MGAT1: variants seen among roughly 807,000 people sequenced by gnomAD.
MGAT1 encodes N-glycosyl-oligosaccharide-glycoprotein N-acetylglucosaminyltransferase I.
In MGAT1, 14 loss-of-function variants were observed where a neutral mutation model predicts 31.7. The ratio of observed to expected loss-of-function variants is 0.44; its 90% confidence interval spans 0.29 to 0.69. The LOEUF is 0.69. MGAT1 is among the 30% of genes least tolerant of loss of function. MGAT1 has a pLI of 0.12. For synonymous variants in MGAT1, 338 were observed against 276.0 expected (o/e 1.22, Z -2.23); for missense variants, 557 against 626.0 (o/e 0.89, Z 1.18).
Position 180,792,336 on chromosome 5 carries a change from C to A in MGAT1, c.636G>T (p.Leu212=). ...FPAAVVVEDD[L]EVAPDFFEYF... ...ACTCGAAGAAGTCCGGGGCCACCTCCAGGTCATCCTCCACCACCACGGCCG... is the reference window on the plus strand; with the variant it reads ...ACTCGAAGAAGTCCGGGGCCACCTCAAGGTCATCCTCCACCACCACGGCCG... Residue 212 remains leucine (L), a synonymous_variant, in exon 2 of 2, where the codon CTG becomes CTT. Transcript: ENST00000307826. 6.2e-7 allele frequency: 1 copy of A among 1,611,314 alleles called. No individual in the cohort carries two copies. The highest frequency in any genetic ancestry group is 8.5e-7 in the Non-Finnish European group (1 of 1,178,512).
At chr5:180,800,035 C>A (rs538250335) in intron 1 of MGAT1, among the ~76,000 whole-genome samples, 1 of 152,146 alleles carries the variant, frequency 6.6e-6, no homozygotes, top group Non-Finnish European at 1.5e-5. Flanking sequence ...ACTGCAATGG[C>A]GTGAAAGACC....
In MGAT1 at chr5:180,791,810, A is replaced by G; in HGVS notation, c.1162T>C (p.Tyr388His). Residue 388 changes from tyrosine (Y) to histidine (H), a missense_variant, in exon 2 of 2, where the codon TAT becomes CAT. Transcript: ENST00000307826. ...RKELGEVRVQ[Y>H]TGRDSFKAFA... ...GCCTTGAAGCTGTCCCTGCCCGTAT[A>G]CTGCACCCGCACCTCCCCCAGCTCC... The G allele has an allele frequency of 6.2e-7, 1 of 1,614,184 alleles. No homozygotes were observed. Among genetic ancestry groups the G allele is most frequent in the Non-Finnish European group, 8.5e-7 (1 of 1,180,038 alleles).
At chr5:180,809,840 TCTC>T (rs1772352240) in intron 1 of MGAT1, 1 of 145,890 alleles carries the variant, frequency 6.9e-6, no homozygotes, top group Non-Finnish European at 1.5e-5. Context: ...ACACTCTCTC[TCTC>T]CTTTCCTTCC....
At chr5:180,801,641 C>T (rs1041868697) in intron 1 of MGAT1, among the ~76,000 whole-genome samples, 1 of 152,228 alleles carries the variant, frequency 6.6e-6, no homozygotes, top group African/African-American at 2.4e-5. Context: ...GGGATTCAGG[C>T]GATCCAGCCA....
rs551929973 is a variant in MGAT1 at position 180,789,628 on chromosome 5, A to G, written c.*2006T>C. The G allele has an allele frequency of 1.4e-5, 2 of 145,664 alleles. No homozygotes were observed. The highest frequency in any genetic ancestry group is 4.4e-4 in the South Asian group (2 of 4,526). 9.0% of individuals were successfully genotyped at this position (145,664 alleles called of 1,614,324 possible). A position where few individuals can be genotyped will look rare whatever the true frequency, so the allele number is the denominator to read the frequency against. On this transcript the variant is annotated 3_prime_UTR_variant, in exon 2 of 2. Transcript: ENST00000307826. ...ATGAAATCAAGTTCGTGAGTCACAA[A>G]AAGCGTTTTGTTTTTCCGAGACAGA...
At chr5:180,797,428 A>AC (rs1769664049) in intron 1 of MGAT1, among the ~76,000 whole-genome samples, 1 of 128,230 alleles carries the variant, frequency 7.8e-6, no homozygotes. Flanking sequence ...AAAAAAAAAA[A>AC]AGGGGGGGGG....
In MGAT1 at chr5:180,793,012, A is replaced by C; in HGVS notation, c.-41T>G. On this transcript the variant is annotated 5_prime_UTR_variant, in exon 2 of 2. Coordinates refer to ENST00000307826, the MANE Select transcript of MGAT1 (RefSeq NM_002406.4). ...GGAGGGCAGGCCAGGGGACGGTTCA[A>C]GGCTGCCCTGGGCTTGCCCGGCTCC... 14 of 1,608,318 alleles carry C rather than the reference A, an allele frequency of 8.7e-6. No individual in the cohort carries two copies. Among genetic ancestry groups the C allele is most frequent in the Non-Finnish European group, 1.0e-5 (12 of 1,178,292 alleles).
In MGAT1 at chr5:180,791,800, C is replaced by T. The variant is rs376158612; in HGVS notation, c.1172G>A (p.Arg391Lys). Residue 391 changes from arginine to lysine, a missense_variant, in exon 2 of 2, where the codon AGG becomes AAG. By Grantham distance (26) the Arg-to-Lys change is conservative (BLOSUM62 2). This residue lies in a region of MGAT1 where 145 missense variants were observed against 143.2 expected (regional missense o/e 1.01). Transcript: ENST00000307826. ...LGEVRVQYTGRDSFKAFAKAL... is the reference protein window; with the variant it reads ...LGEVRVQYTGKDSFKAFAKAL... ...CTTGGCGAAAGCCTTGAAGCTGTCCCTGCCCGTATACTGCACCCGCACCTC... is the reference window on the plus strand; with the variant it reads ...CTTGGCGAAAGCCTTGAAGCTGTCCTTGCCCGTATACTGCACCCGCACCTC... 6.2e-6 allele frequency: 10 copies of T among 1,614,074 alleles called. No individual in the cohort carries two copies. In the African/African-American group the frequency reaches 1.3e-4, roughly 22 times the overall value.
rs1279107486 is a variant in MGAT1, at chr5:180,792,452, G to T, written c.520C>A (p.Pro174Thr). The T allele has an allele frequency of 6.2e-7, 1 of 1,612,390 alleles. No individual in the cohort carries two copies. The highest frequency in any genetic ancestry group is 1.7e-5 in the Admixed American group (1 of 59,996). Reference sequence around the variant, plus strand: ...TAGCCCTGGAACTTGCGGTGGTCCGGCGGCACCGCAATGCTGCTCAGGTCG... The same window carrying T: ...TAGCCCTGGAACTTGCGGTGGTCCGTCGGCACCGCAATGCTGCTCAGGTCG... Reference protein sequence around the residue: ...QPDLSSIAVPPDHRKFQGYYK... With the variant: ...QPDLSSIAVPTDHRKFQGYYK... Residue 174 changes from proline to threonine, a missense_variant, in exon 2 of 2, where the codon CCG becomes ACG. Around this residue, in one of 3 missense-constraint regions of MGAT1, gnomAD observed 245 missense variants for 332.9 expected, o/e 0.74. Coordinates refer to ENST00000307826, the MANE Select transcript of MGAT1 (RefSeq NM_002406.4).
At chr5:180,806,926 G>A (rs1771959067), upstream of MGAT1, among the ~76,000 whole-genome samples, 1 of 152,140 alleles carries the variant, frequency 6.6e-6, no homozygotes, top group South Asian at 2.1e-4. Context: ...GGGGAAGGTG[G>A]TACACCCATC....
In MGAT1 at chr5:180,788,328, C is replaced by A. The variant is rs558759503; in HGVS notation, c.*3306G>T. 9.8e-4 allele frequency: 139 copies of A among 142,158 alleles called. 1 individual carries two copies. The highest frequency in any genetic ancestry group is 1.0e-3 in the Non-Finnish European group (70 of 66,970). 8.8% of individuals were successfully genotyped at this position (142,158 alleles called of 1,614,324 possible). On this transcript the variant is annotated 3_prime_UTR_variant, in exon 2 of 2. Coordinates refer to ENST00000307826, the MANE Select transcript of MGAT1 (RefSeq NM_002406.4). Reference sequence around the variant, plus strand: ...GGCACCGCAGGCCCCAAACTCTACTCCTCCCGCCATCTCTCCTGGACCTCC... The same window carrying A: ...GGCACCGCAGGCCCCAAACTCTACTACTCCCGCCATCTCTCCTGGACCTCC...
At chr5:180,805,669 G>C (rs564522783), upstream of MGAT1, among the ~76,000 whole-genome samples, 1 of 152,222 alleles carries the variant, frequency 6.6e-6, no homozygotes, top group Non-Finnish European at 1.5e-5. Context: ...AGAATTGCTT[G>C]AACCTGGGAA....
At position 180,792,732 on chromosome 5, in the gene MGAT1, C is replaced by G; in HGVS notation, c.240G>C (p.Ser80=). 2 of 1,547,370 alleles carry G rather than the reference C, an allele frequency of 1.3e-6. No homozygotes were observed. The highest frequency in any genetic ancestry group is 1.4e-5 in the African/African-American group (1 of 73,376). Residue 80 remains serine (S), a synonymous_variant, in exon 2 of 2, where the codon TCG becomes TCC. Coordinates refer to ENST00000307826, the MANE Select transcript of MGAT1 (RefSeq NM_002406.4). ...CGGTGGGCACCCTCCCCCGCTGGCT[C>G]GACAGGGCATCCCCGATCTGCTGCA... ...GLLQQIGDAL[S]SQRGRVPTAA...
In MGAT1 at chr5:180,812,340, T is replaced by A. The variant is rs540460324; in HGVS notation, c.-546+3074A>T. ...CAGTATACAGATTTTGCATTATGATTTCTAATCATACCATAGAGACTTTAC... is the reference window on the plus strand; with the variant it reads ...CAGTATACAGATTTTGCATTATGATATCTAATCATACCATAGAGACTTTAC... On this transcript the variant is annotated intron_variant, in intron 1 of 2. Coordinates refer to the MGAT1 transcript ENST00000333055. Among the ~76,000 whole-genome samples the A allele has an allele frequency of 4.6e-5, 7 of 152,352 alleles. No individual in the cohort carries two copies. The South Asian group carries it at 1.4e-3, about 32-fold the overall frequency.
At chr5:180,802,948 G>A (rs1368557448), upstream of MGAT1, 1 of 149,334 alleles carries the variant, frequency 6.7e-6, no homozygotes, top group African/African-American at 2.5e-5. Context: ...CCCTCCTCCT[G>A]GCCCGCCTCC....
Position 180,792,314 on chromosome 5 carries a change from C to T in MGAT1, c.658G>A (p.Glu220Lys). The T allele has an allele frequency of 6.2e-7, 1 of 1,610,390 alleles. No individual in the cohort carries two copies. Among genetic ancestry groups the T allele is most frequent in the Non-Finnish European group, 8.5e-7 (1 of 1,177,802 alleles). Reference sequence around the variant, plus strand: ...AGCGGATAGGTGGCCCGAAAGTACTCGAAGAAGTCCGGGGCCACCTCCAGG... The same window carrying T: ...AGCGGATAGGTGGCCCGAAAGTACTTGAAGAAGTCCGGGGCCACCTCCAGG... Reference protein sequence around the residue: ...DDLEVAPDFFEYFRATYPLLK... With the variant: ...DDLEVAPDFFKYFRATYPLLK... The change falls in exon 2 of 2, where the codon GAG becomes AAG. Residue 220 changes from glutamate (E) to lysine (K), a missense_variant. Glu to Lys is a moderately conservative substitution (Grantham distance 56). Transcript: ENST00000307826.
intron 1 of MGAT1, among the ~76,000 whole-genome samples, chr5:180,796,473 A>G (rs1769395420): frequency 6.6e-6 from 1 of 152,246 alleles, no homozygotes; most frequent in Non-Finnish European, 1.5e-5. Context: ...ACGTCGTTTC[A>G]GTTGGCCTTA....
At chr5:180,802,920 G>A (rs1397353364), upstream of MGAT1, 3 of 147,058 alleles carry the variant, frequency 2.0e-5, no homozygotes, top group Non-Finnish European at 4.6e-5. Context: ...CCGCCCCCCG[G>A]CCGGCGTCCG....
intron 1 of MGAT1, chr5:180,815,289 AT>A (rs138050838): frequency 0.057 from 8,713 of 152,240 alleles, 832 homozygotes; most frequent in African/African-American, 0.2. Context: ...CACTCTGGGG[AT>A]TAAGTTTCAA....
Sources: gnomAD v4.1 joint callset for allele counts (sites outside exome capture counted in the v4.1 genomes callset) on GRCh38, gnomAD v4.1.1 for gene constraint, gnomAD v4.1.1 regional missense constraint, MANE v1.5 for transcripts, NCBI Gene and HGNC (gene_info 2026-07-23, HGNC 2026-07-21) for gene names.